Variants in GPC3 observed in about 807,000 individuals in gnomAD.
The protein encoded by GPC3 is glypican-3.
Under a neutral mutation model 34.4 loss-of-function variants are expected in GPC3, and 3 were observed. The ratio of observed to expected loss-of-function variants is 0.09; its 90% CI spans 0.04 to 0.23. The LOEUF is 0.23. GPC3 is among the 10% of genes least tolerant of loss of function. The pLI is 1.00. For missense variants in GPC3, 351 were observed against 445.6 expected (o/e 0.79, Z 1.91); for synonymous variants, 177 against 174.0 (o/e 1.02, Z -0.13).
chrX:133,918,993 G>A (rs1474525731), intron 2 of GPC3, among the ~76,000 whole-genome samples: 1 of 111,738 alleles, frequency 8.9e-6, no homozygotes, highest in Non-Finnish European at 1.9e-5. Context: ...TGCTGCAGAA[G>A]AGGCCAGCAA....
chrX:133,610,128 T>C (rs1481243395), intron 6 of GPC3, among the ~76,000 whole-genome samples: 1 of 112,000 alleles, frequency 8.9e-6, no homozygotes, highest in Admixed American at 9.5e-5. Flanking sequence ...CCAGCTAATT[T>C]GTACTCAGTG....
intron 3 of GPC3, among the ~76,000 whole-genome samples, chrX:133,740,582 A>G (rs148760871): frequency 0.026 from 2,881 of 111,771 alleles, 101 homozygotes; most frequent in African/African-American, 0.089. Context: ...TTCATTTTGC[A>G]TTAATAATTT....
At chrX:133,589,072 G>A (rs954149055) in intron 7 of GPC3, among the ~76,000 whole-genome samples, 3 of 111,653 alleles carry the variant, frequency 2.7e-5, no homozygotes, top group Non-Finnish European at 5.6e-5. Flanking sequence ...GCAACAAGTG[G>A]CAGGTTTTCT....
intron 6 of GPC3, among the ~76,000 whole-genome samples, chrX:133,655,661 C>T (rs1367064388): frequency 9.0e-6 from 1 of 111,724 alleles, no homozygotes; most frequent in Non-Finnish European, 1.9e-5. Context: ...CAAAAGGTTT[C>T]TCCTTTTATT....
At chrX:133,834,668 T>C (rs1172011527) in intron 2 of GPC3, among the ~76,000 whole-genome samples, 1 of 112,122 alleles carries the variant, frequency 8.9e-6, no homozygotes, top group African/African-American at 3.2e-5. Context: ...AAGCCACATA[T>C]CAGGACTGTA....
intron 6 of GPC3, among the ~76,000 whole-genome samples, chrX:133,654,858 G>T (rs1410690104): frequency 8.9e-6 from 1 of 112,066 alleles, no homozygotes; most frequent in African/African-American, 3.2e-5. Flanking sequence ...TTGTTTGACA[G>T]AATTCTCTTT....
chrX:133,917,297 G>A (rs1356568106), intron 2 of GPC3, among the ~76,000 whole-genome samples: 1 of 112,083 alleles, frequency 8.9e-6, no homozygotes, highest in African/African-American at 3.2e-5. Context: ...ACCAATGACA[G>A]TGGAATTACC....
chrX:133,651,944 T>C (rs1173249671), intron 6 of GPC3, among the ~76,000 whole-genome samples: 1 of 112,442 alleles, frequency 8.9e-6, no homozygotes, highest in Non-Finnish European at 1.9e-5. Flanking sequence ...CAATAAGGCA[T>C]GTGCATGTAC....
At position 133,692,398 on chromosome X, in the gene GPC3, A is replaced by C. The variant is rs1474137107; in HGVS notation, c.1263T>G (p.Leu421=). 17 of 1,210,382 alleles carry C rather than the reference A, an allele frequency of 1.4e-5. No individual in the cohort carries two copies. Among genetic ancestry groups the C allele is most frequent in the Non-Finnish European group, 1.8e-5 (16 of 894,589 alleles). Residue 421 remains leucine, a synonymous_variant, in exon 5 of 8, where the codon CTT becomes CTG. Transcript: ENST00000370818. The part of the protein sequence containing the change: ...SHSPVAENDT[L]CWNGQELVER... ...CCACGAGTTCTTGTCCATTCCAGCA[A>C]AGGGTGTCGTTTTCCGCCACAGGGC...
chrX:133,638,614 C>T (rs775862588), intron 6 of GPC3, among the ~76,000 whole-genome samples: 16 of 111,510 alleles, frequency 1.4e-4, no homozygotes, highest in Non-Finnish European at 2.8e-4. Context: ...TATATGAATG[C>T]CTTGCCTCAA....
intron 6 of GPC3, among the ~76,000 whole-genome samples, chrX:133,631,641 TGCTG>T (rs762320981): frequency 2.4e-4 from 27 of 111,571 alleles, no homozygotes; most frequent in Non-Finnish European, 5.1e-4. Flanking sequence ...GAAGTGGGAT[TGCTG>T]GATCATATGA....
chrX:133,551,830 T>C (rs1281420729), intron 7 of GPC3, among the ~76,000 whole-genome samples: 2 of 111,544 alleles, frequency 1.8e-5, no homozygotes, highest in Non-Finnish European at 3.8e-5. Flanking sequence ...ATTTATCTGA[T>C]AATGCCTGCC....
chrX:133,596,568 C>A lies in GPC3; in HGVS notation c.1445G>T (p.Arg482Ile). The change falls in exon 7 of 8, where the codon AGA becomes ATA. Residue 482 changes from arginine (R) to isoleucine (I), a missense_variant. Arg to Ile is a moderately conservative substitution (Grantham distance 97). Transcript: ENST00000370818. ...LLRTMSMPKG[R>I]VLDKNLDEEG... is the part of the protein sequence containing the mutation. Reference sequence around the variant, plus strand: ...CTCATCCAGGTTTTTATCCAGAACTCTACCTTTGGGCATAGACATGGTTCT... The same window carrying A: ...CTCATCCAGGTTTTTATCCAGAACTATACCTTTGGGCATAGACATGGTTCT... 8.3e-7 allele frequency: 1 copy of A among 1,211,065 alleles called. No individual in the cohort carries two copies. The highest frequency in any genetic ancestry group is 2.3e-4 in the Middle Eastern group (1 of 4,348).
intron 6 of GPC3, among the ~76,000 whole-genome samples, chrX:133,636,861 C>T (rs1030990964): frequency 2.7e-5 from 3 of 110,777 alleles, no homozygotes; most frequent in Non-Finnish European, 5.7e-5. Context: ...ATTCAGATGG[C>T]AGGCTCTCTG....
intron 3 of GPC3, among the ~76,000 whole-genome samples, chrX:133,750,296 C>T (rs190031864): frequency 2.5e-3 from 274 of 111,827 alleles, no homozygotes; most frequent in Non-Finnish European, 3.6e-3. Flanking sequence ...AGGTTCACTA[C>T]GTGTTTGCAA....
intron 2 of GPC3, among the ~76,000 whole-genome samples, chrX:133,828,165 A>T (rs968337967): frequency 9.1e-6 from 1 of 110,443 alleles, no homozygotes; most frequent in African/African-American, 3.3e-5. Context: ...TTTATTTTTA[A>T]TTTTTTTTCA....
intron 2 of GPC3, among the ~76,000 whole-genome samples, chrX:133,794,669 C>T (rs1048528283): frequency 3.6e-5 from 4 of 111,814 alleles, no homozygotes. Context: ...GGGTTGTAAA[C>T]GTGCCTTCAC....
At chrX:133,684,818 A>C (rs1378686151) in intron 5 of GPC3, among the ~76,000 whole-genome samples, 1 of 110,968 alleles carries the variant, frequency 9.0e-6, no homozygotes, top group East Asian at 2.8e-4. Flanking sequence ...TTCTGACATG[A>C]CTAGAATGAG....
chrX:133,830,495 A>G (rs900045151), intron 2 of GPC3, among the ~76,000 whole-genome samples: 13 of 109,532 alleles, frequency 1.2e-4, no homozygotes, highest in Non-Finnish European at 1.5e-4. Flanking sequence ...CCTGGCCAAC[A>G]TGCAAAACTC....
Sources: allele counts gnomAD v4.1 joint callset (sites outside exome capture counted in the v4.1 genomes callset), GRCh38; gene constraint gnomAD v4.1.1; transcripts MANE v1.5; gene names NCBI Gene and HGNC (gene_info 2026-07-23, HGNC 2026-07-21).